SSH1: variants seen among roughly 807,000 people sequenced by gnomAD.
SSH1 encodes the protein protein phosphatase Slingshot homolog 1.
In SSH1, 43 loss-of-function variants were observed where a neutral mutation model predicts 79.7. The ratio of observed to expected loss-of-function variants is 0.54; its 90% CI spans 0.42 to 0.70. SSH1 has a LOEUF of 0.70. Among genes scored for constraint, SSH1 ranks in the 30% least tolerant of loss-of-function variants. The probability of loss-of-function intolerance (pLI) is 0.00; values close to 1 mark genes in which losing one functional copy is unlikely to be tolerated. For missense variants in SSH1, 1,206 were observed against 1,358.8 expected (o/e 0.89, Z 1.77); for synonymous variants, 599 against 538.3 (o/e 1.11, Z -1.56).
chr12:108,819,111 G>C (rs964875820), intron 3 of SSH1, among the ~76,000 whole-genome samples: 65 of 152,292 alleles, frequency 4.3e-4, no homozygotes, highest in African/African-American at 1.4e-3. Context: ...ATAACCGGGG[G>C]GGCGGGGGGA....
At chr12:108,800,673 TC>T (rs3217206) in intron 12 of SSH1, 106 bp downstream of exon 12, 780,399 of 1,367,744 alleles carry the variant, frequency 0.57, 235,673 homozygotes, top group Non-Finnish European at 0.63. Flanking sequence ...CCCGTTAGGA[TC>T]CCCCCTCCCA....
chr12:108,818,412 A>G, intron 3 of SSH1, 99 bp from the exon 4 acceptor site: 2 of 1,125,858 alleles, frequency 1.8e-6, no homozygotes, highest in Non-Finnish European at 2.6e-6. Flanking sequence ...AAAAAGATTG[A>G]GAAGTTAAAA....
At chr12:108,810,779 G>A (rs1263110997) in intron 6 of SSH1, among the ~76,000 whole-genome samples, 4 of 152,202 alleles carry the variant, frequency 2.6e-5, no homozygotes, top group Non-Finnish European at 4.4e-5. Flanking sequence ...TCCCCCGACT[G>A]CCTGCCCGGG....
intron 5 of SSH1, among the ~76,000 whole-genome samples, chr12:108,815,468 C>T (rs990708622): frequency 3.9e-5 from 6 of 152,222 alleles, no homozygotes; most frequent in African/African-American, 1.4e-4. Context: ...GAACAGGCCA[C>T]ACTTGCGAGG....
At chr12:108,827,923 C>CA (rs2038369782) in intron 2 of SSH1, among the ~76,000 whole-genome samples, 1 of 152,186 alleles carries the variant, frequency 6.6e-6, no homozygotes, top group Admixed American at 6.5e-5. Context: ...TAGAGGGGAC[C>CA]ACATGCACAC....
Position 108,809,227 on chromosome 12 carries a change from G to A in SSH1, c.536+466C>T, listed in dbSNP as rs537404141. ...ACTTTGGGAGGAGGCTGAGGTGGGA[G>A]GACTGCTTGAGGCCAGGAGTTTGAG... On this transcript the variant is annotated intron_variant, in intron 7 of 14. Coordinates refer to ENST00000326495, the MANE Select transcript of SSH1 (RefSeq NM_018984.4). Among the ~76,000 whole-genome samples, 5 of 151,902 alleles carry A rather than the reference G, an allele frequency of 3.3e-5. No individual in the cohort carries two copies. In the East Asian group the frequency reaches 7.9e-4, roughly 24 times the overall value.
chr12:108,805,276 A>G, intron 9 of SSH1, 92 bp from the exon 10 acceptor site: 2 of 1,453,670 alleles, frequency 1.4e-6, no homozygotes, highest in Non-Finnish European at 1.9e-6. Context: ...AACTGTGCCT[A>G]TTTCCAAAAA....
At chr12:108,795,130 G>C (rs2036691122) in intron 13 of SSH1, among the ~76,000 whole-genome samples, 1 of 152,150 alleles carries the variant, frequency 6.6e-6, no homozygotes, top group Non-Finnish European at 1.5e-5. Context: ...GTGTCTCCCA[G>C]GTGTGCATCC....
chr12:108,852,487 C>A, intron 2 of SSH1, 151 bp downstream of exon 2: 1 of 891,566 alleles, frequency 1.1e-6, no homozygotes, highest in Non-Finnish European at 1.9e-6. Flanking sequence ...GCCTCAGCCT[C>A]CCAAAGTGCT....
chr12:108,847,228 C>T (rs2038918615), intron 2 of SSH1, among the ~76,000 whole-genome samples: 2 of 152,188 alleles, frequency 1.3e-5, no homozygotes, highest in South Asian at 4.1e-4. Context: ...AACTACTCCA[C>T]AACCCTGAAA....
intron 2 of SSH1, among the ~76,000 whole-genome samples, chr12:108,851,089 C>A (rs765489117): frequency 5.9e-5 from 9 of 152,108 alleles, no homozygotes; most frequent in Non-Finnish European, 8.8e-5. Context: ...CCTGACCAAT[C>A]AAAAACCCCA....
chr12:108,834,183 CCCT>C (rs974346417), intron 2 of SSH1: 1 of 152,284 alleles, frequency 6.6e-6, no homozygotes, highest in Non-Finnish European at 1.5e-5. Context: ...GCACTATTCC[CCCT>C]GTTCTCCATG....
At chr12:108,845,088 A>G (rs1213523649) in intron 2 of SSH1, among the ~76,000 whole-genome samples, 2 of 151,718 alleles carry the variant, frequency 1.3e-5, no homozygotes, top group South Asian at 4.2e-4. Flanking sequence ...GTACACCTAC[A>G]GTCCCAGCTA....
intron 14 of SSH1, chr12:108,791,813 C>A: frequency 2.3e-6 from 1 of 428,722 alleles, no homozygotes; most frequent in South Asian, 8.7e-5. Context: ...TTTTTAGATA[C>A]AGGTATCTAT....
chr12:108,851,641 C>CAA (rs1476628830), intron 2 of SSH1, among the ~76,000 whole-genome samples: 1 of 152,064 alleles, frequency 6.6e-6, no homozygotes, highest in Non-Finnish European at 1.5e-5. Context: ...AAAGAAAAAA[C>CAA]AAAAATGTTT....
chr12:108,826,660 A>G (rs2038321396), intron 2 of SSH1, among the ~76,000 whole-genome samples: 1 of 152,146 alleles, frequency 6.6e-6, no homozygotes, highest in African/African-American at 2.4e-5. Flanking sequence ...CTGGGCCCAG[A>G]GCCTCATGCG....
At chr12:108,792,905 G>A (rs764295003) in intron 13 of SSH1, 76 bp from the exon 14 acceptor site, 26 of 1,584,244 alleles carry the variant, frequency 1.6e-5, no homozygotes, top group Non-Finnish European at 2.2e-5. Flanking sequence ...TATGCGGTGA[G>A]CCAGTGAGGG....
Position 108,802,347 on chromosome 12 carries a change from T to A in SSH1, c.976A>T (p.Asn326Tyr), listed in dbSNP as rs1411893576. ...LYLGSEWNAS[N>Y]LEELQGSGVD... ...CCTGAGCCCTGCAGTTCCTCCAGATTGGATGCATTCCATTCAGAGCCCTGG... is the reference window on the plus strand; with the variant it reads ...CCTGAGCCCTGCAGTTCCTCCAGATAGGATGCATTCCATTCAGAGCCCTGG... The change falls in exon 11 of 15, where the codon AAT becomes TAT. Residue 326 changes from asparagine (N) to tyrosine (Y), a missense_variant. This residue lies in a region of SSH1 where 166 missense variants were observed against 262.9 expected (regional missense o/e 0.63). Coordinates refer to ENST00000326495, the MANE Select transcript of SSH1 (RefSeq NM_018984.4). The A allele has an allele frequency of 1.9e-6, 3 of 1,613,912 alleles. No individual in the cohort carries two copies. The highest frequency in any genetic ancestry group is 2.5e-6 in the Non-Finnish European group (3 of 1,179,982).
rs1275036492 is a variant in SSH1, at chr12:108,807,616, A to G, written c.731+17T>C. 1 of 1,611,752 alleles carries G rather than the reference A, an allele frequency of 6.2e-7. No individual in the cohort carries two copies. The highest frequency in any genetic ancestry group is 8.5e-7 in the Non-Finnish European group (1 of 1,178,816). ...CTGTGGGCTTGGGTGCGCTCACACC[A>G]GAGGCACCTCACTTACTTGTCCACA... On this transcript the variant is annotated intron_variant, in intron 8 of 14. Coordinates refer to ENST00000326495, the MANE Select transcript of SSH1 (RefSeq NM_018984.4). This position sits in a 1 kb window ranked among gnomAD's most constrained non-coding sequence, Gnocchi z 5.2.
Sources: gnomAD v4.1 joint callset for allele counts (sites outside exome capture counted in the v4.1 genomes callset) on GRCh38, gnomAD v4.1.1 for gene constraint, gnomAD v4.1.1 regional missense constraint, Gnocchi (gnomAD v3.1) non-coding constraint, MANE v1.5 for transcripts, NCBI Gene and HGNC (gene_info 2026-07-23, HGNC 2026-07-21) for gene names.